LOC128125814: variants seen among roughly 807,000 people sequenced by gnomAD.
chr12:57,520,475 T>G, the LOC128125814 span: 1 of 398,612 alleles, frequency 2.5e-6, no homozygotes, highest in Non-Finnish European at 4.4e-6. Context: ...CGCTCATCTT[T>G]AACATGATAC....
chr12:57,519,947 C>T, the LOC128125814 span, among the ~76,000 whole-genome samples: 2 of 152,226 alleles, frequency 1.3e-5, no homozygotes, highest in East Asian at 3.9e-4. Context: ...TCCAGTAGCC[C>T]CAGCTACCAA....
chr12:57,519,209 A>G, the LOC128125814 span: 39 of 532,952 alleles, frequency 7.3e-5, no homozygotes, highest in Admixed American at 1.9e-5. Flanking sequence ...ATGACTTCCT[A>G]TTTCATGTCA....
At chr12:57,519,221 G>A in the LOC128125814 span, 1 of 532,810 alleles carries the variant, frequency 1.9e-6, no homozygotes, top group South Asian at 1.4e-5. Flanking sequence ...TTCATGTCAT[G>A]GAAGTCACTG....
the LOC128125814 span, chr12:57,519,039 T>C: frequency 1.3e-5 from 7 of 522,310 alleles, no homozygotes; most frequent in Non-Finnish European, 2.7e-5. Context: ...TTGTTTCCAA[T>C]CTAGATCAAT....
At chr12:57,518,820 G>C in the LOC128125814 span, among the ~76,000 whole-genome samples, 1 of 152,090 alleles carries the variant, frequency 6.6e-6, no homozygotes, top group Admixed American at 6.6e-5. Flanking sequence ...TGCCATGCCC[G>C]GCTAATTTTT....
chr12:57,517,832 CTTTT>C, the LOC128125814 span: 1 of 384,514 alleles, frequency 2.6e-6, no homozygotes, highest in Non-Finnish European at 4.6e-6. Context: ...TTTTTTCTTT[CTTTT>C]TTTTTTTTTG....
chr12:57,519,648 G>C, the LOC128125814 span, among the ~76,000 whole-genome samples: 1 of 152,340 alleles, frequency 6.6e-6, no homozygotes, highest in East Asian at 1.9e-4. Context: ...CAGCAGTAGA[G>C]CCTCAGGTCA....
At chr12:57,520,054 G>A in the LOC128125814 span, among the ~76,000 whole-genome samples, 1 of 152,252 alleles carries the variant, frequency 6.6e-6, no homozygotes, top group Non-Finnish European at 1.5e-5. Flanking sequence ...GAAACGGCCT[G>A]AGCGATGGTC....
At chr12:57,518,176 G>A in the LOC128125814 span, among the ~76,000 whole-genome samples, 1 of 152,006 alleles carries the variant, frequency 6.6e-6, no homozygotes, top group Non-Finnish European at 1.5e-5. Context: ...GGTCTTGTGG[G>A]GTATGCATAC....
At chr12:57,518,601 G>C in the LOC128125814 span, among the ~76,000 whole-genome samples, 13 of 152,228 alleles carry the variant, frequency 8.5e-5, no homozygotes, top group Non-Finnish European at 1.3e-4. Flanking sequence ...TAAAAACCTT[G>C]GTATCATCCT....
At chr12:57,518,173 T>TG in the LOC128125814 span, among the ~76,000 whole-genome samples, 1 of 152,160 alleles carries the variant, frequency 6.6e-6, no homozygotes, top group Non-Finnish European at 1.5e-5. Flanking sequence ...TCTGGTCTTG[T>TG]GGGGTATGCA....
chr12:57,519,404 G>A, the LOC128125814 span: 1 of 365,586 alleles, frequency 2.7e-6, no homozygotes, highest in Non-Finnish European at 5.4e-6. Context: ...CTTGCTCAAG[G>A]ATGTACCCTG....
At chr12:57,519,468 G>A in the LOC128125814 span, among the ~76,000 whole-genome samples, 1 of 152,184 alleles carries the variant, frequency 6.6e-6, no homozygotes, top group Non-Finnish European at 1.5e-5. Context: ...TGTTAAGAAT[G>A]AATGGATAAA....
chr12:57,519,200 T>TG, the LOC128125814 span: 1 of 533,342 alleles, frequency 1.9e-6, no homozygotes, highest in Non-Finnish European at 3.8e-6. Flanking sequence ...AACCCTCCAA[T>TG]GACTTCCTAT....
chr12:57,519,793 T>A, the LOC128125814 span, among the ~76,000 whole-genome samples: 1 of 152,190 alleles, frequency 6.6e-6, no homozygotes, highest in Admixed American at 6.5e-5. Context: ...CCAAATGGCC[T>A]CCTACACTTA....
At chr12:57,518,961 T>G in the LOC128125814 span, among the ~76,000 whole-genome samples, 1 of 152,326 alleles carries the variant, frequency 6.6e-6, no homozygotes, top group South Asian at 2.1e-4. Context: ...TGCCCGGCCC[T>G]TAACTCATTC....
the LOC128125814 span, among the ~76,000 whole-genome samples, chr12:57,518,425 A>T: frequency 6.6e-6 from 1 of 152,204 alleles, no homozygotes; most frequent in Non-Finnish European, 1.5e-5. Flanking sequence ...GTACATTTCC[A>T]GTCTGGACCT....
the LOC128125814 span, chr12:57,519,308 T>G: frequency 2.2e-6 from 1 of 457,994 alleles, no homozygotes; most frequent in South Asian, 1.6e-5. Context: ...ATCCTGAACA[T>G]TCTCCATTCC....
At chr12:57,518,517 C>A in the LOC128125814 span, among the ~76,000 whole-genome samples, 21 of 152,230 alleles carry the variant, frequency 1.4e-4, no homozygotes, top group Admixed American at 7.2e-4. Flanking sequence ...AGACTATGTG[C>A]AAAGGCAAAC....
Sources: allele counts gnomAD v4.1 joint callset (sites outside exome capture counted in the v4.1 genomes callset), GRCh38; gene constraint gnomAD v4.1.1; transcripts MANE v1.5.